Variants in CD8B2 observed in about 807,000 individuals in gnomAD.
The protein encoded by CD8B2 is T-cell surface glycoprotein CD8 beta-2 chain.
Under a neutral mutation model 23.7 loss-of-function variants are expected in CD8B2, and 11 were observed. The ratio of observed to expected loss-of-function variants is 0.46; its 90% CI spans 0.29 to 0.77. The LOEUF is 0.77. CD8B2 is among the 30% of genes least tolerant of loss of function. CD8B2 has a pLI of 0.09. For missense variants in CD8B2, 197 were observed against 270.5 expected, an observed-to-expected ratio of 0.73 and a Z score of 1.91; for synonymous variants, 90 against 109.3, an observed-to-expected ratio of 0.82 and a Z score of 1.10.
chr2:106,525,115 G>T (rs1347541706), intron 5 of CD8B2, among the ~76,000 whole-genome samples: 1 of 152,200 alleles, frequency 6.6e-6, no homozygotes. Context: ...AGGTCTGTTT[G>T]TTGTCTAATA....
Position 106,534,011 on chromosome 2 carries a change from G to A in CD8B2, c.621-9981G>A, listed in dbSNP as rs544565435. 1.9e-3 allele frequency among the ~76,000 whole-genome samples: 286 copies of A among 152,310 alleles called. 1 individual carries two copies. Among genetic ancestry groups the A allele is most frequent in the African/African-American group, 6.6e-3 (273 of 41,564 alleles). On this transcript the variant is annotated intron_variant, in intron 5 of 5. Coordinates refer to the CD8B2 transcript ENST00000416057. Reference sequence around the variant, plus strand: ...TACTATGTGGCAAGCCTCCTGCTGGGAGTCCTACATAAATTTTCACATGGA... The same window carrying A: ...TACTATGTGGCAAGCCTCCTGCTGGAAGTCCTACATAAATTTTCACATGGA...
At chr2:106,487,829 T>C (rs1484922948) in intron 1 of CD8B2, among the ~76,000 whole-genome samples, 1 of 151,980 alleles carries the variant, frequency 6.6e-6, no homozygotes, top group Non-Finnish European at 1.5e-5. Flanking sequence ...CAGGATGTGC[T>C]CGGAGGAAGG....
chr2:106,488,444 G>A (rs796148960), intron 1 of CD8B2, among the ~76,000 whole-genome samples: 43 of 152,052 alleles, frequency 2.8e-4, no homozygotes, highest in African/African-American at 9.2e-4. Context: ...AGTGGGTCCC[G>A]GGAAGAGCCG....
At chr2:106,530,331 G>A (rs1679974048) in intron 5 of CD8B2, among the ~76,000 whole-genome samples, 3 of 151,976 alleles carry the variant, frequency 2.0e-5, no homozygotes, top group Admixed American at 1.3e-4. Flanking sequence ...TGAGGAACAG[G>A]GAGGGAGGTT....
At chr2:106,513,157 A>T (rs1409922881), downstream of CD8B2, among the ~76,000 whole-genome samples, 1 of 148,768 alleles carries the variant, frequency 6.7e-6, no homozygotes, top group East Asian at 2.1e-4. Flanking sequence ...CAAGGCTGTG[A>T]GGACCACTCG....
intron 5 of CD8B2, among the ~76,000 whole-genome samples, chr2:106,528,421 T>C (rs764513173): frequency 1.3e-5 from 2 of 152,220 alleles, no homozygotes; most frequent in Non-Finnish European, 2.9e-5. Context: ...CTATATCTAC[T>C]TGGAGTTAAC....
rs373587533 is a variant in CD8B2, at chr2:106,527,706, C to T, written c.621-16286C>T. On this transcript the variant is annotated intron_variant, in intron 5 of 5. Coordinates refer to the CD8B2 transcript ENST00000416057. ...GGCTGAGGCAGAGAATTGCTTGAAC[C>T]AGGGAGGTGGAGGTTGCAGTGAGCC... Among the ~76,000 whole-genome samples the T allele has an allele frequency of 4.6e-5, 7 of 152,308 alleles. No homozygotes were observed. The East Asian group carries it at 1.4e-3, about 29-fold the overall frequency.
At chr2:106,541,393 C>T (rs1680171680) in intron 5 of CD8B2, among the ~76,000 whole-genome samples, 1 of 152,124 alleles carries the variant, frequency 6.6e-6, no homozygotes, top group African/African-American at 2.4e-5. Context: ...AACCAAGGGG[C>T]AGTTTTGCAC....
At chr2:106,526,994 T>C (rs1369393006) in intron 5 of CD8B2, among the ~76,000 whole-genome samples, 1 of 152,234 alleles carries the variant, frequency 6.6e-6, no homozygotes, top group Non-Finnish European at 1.5e-5. Flanking sequence ...ATTTGGATTA[T>C]GTCTACATTT....
In CD8B2 at chr2:106,488,209, C is replaced by T. The variant is rs539518013; in HGVS notation, c.43+740C>T. 7.9e-5 allele frequency among the ~76,000 whole-genome samples: 12 copies of T among 151,686 alleles called. No homozygotes were observed. In the South Asian group the frequency reaches 2.3e-3, roughly 29 times the overall value. On this transcript the variant is annotated intron_variant, in intron 1 of 5. Coordinates refer to ENST00000643224, the MANE Select transcript of CD8B2 (RefSeq NM_001349727.2). ...TTGCCAGGGGGTGACAAGGCCTGCC[C>T]GCCGGGGGTTCTGGCCCAGTGAGTG...
chr2:106,502,706 G>A (rs1378928583), intron 4 of CD8B2, 143 bp downstream of exon 4: 10 of 572,056 alleles, frequency 1.7e-5, no homozygotes, highest in South Asian at 4.8e-5. Context: ...TCCGGAGGTA[G>A]TTCTTGGCCT....
chr2:106,540,915 C>T (rs932287241), intron 5 of CD8B2, among the ~76,000 whole-genome samples: 1 of 152,172 alleles, frequency 6.6e-6, no homozygotes, highest in Non-Finnish European at 1.5e-5. Flanking sequence ...TGACAACTAG[C>T]GGGTGTCTTG....
At chr2:106,527,731 C>T (rs146494657) in intron 5 of CD8B2, among the ~76,000 whole-genome samples, 1,896 of 152,146 alleles carry the variant, frequency 0.012, 19 homozygotes, top group Non-Finnish European at 0.018. Context: ...TGCAGTGAGC[C>T]GATATTGCAG....
At chr2:106,492,801 CTT>C (rs1558874815) in intron 2 of CD8B2, among the ~76,000 whole-genome samples, 2 of 152,226 alleles carry the variant, frequency 1.3e-5, no homozygotes, top group African/African-American at 4.8e-5. Flanking sequence ...CCCGCCACCT[CTT>C]GCTAGCCTGG....
At chr2:106,491,693 A>G (rs1360879294) in intron 2 of CD8B2, among the ~76,000 whole-genome samples, 3 of 152,098 alleles carry the variant, frequency 2.0e-5, no homozygotes, top group African/African-American at 4.8e-5. Context: ...GATTACAGGC[A>G]TGAGCCACCA....
chr2:106,505,852 C>T (rs1253006442), intron 5 of CD8B2, among the ~76,000 whole-genome samples: 8 of 152,166 alleles, frequency 5.3e-5, no homozygotes, highest in Non-Finnish European at 8.8e-5. Flanking sequence ...CATTCAAGGC[C>T]GGGTGCGGTG....
At chr2:106,523,616 C>A (rs927718333) in intron 5 of CD8B2, among the ~76,000 whole-genome samples, 9 of 152,170 alleles carry the variant, frequency 5.9e-5, no homozygotes, top group African/African-American at 1.9e-4. Context: ...GTTGGTGTTA[C>A]AAGAACATCA....
At chr2:106,521,575 A>G (rs891056359) in intron 5 of CD8B2, 1 of 152,182 alleles carries the variant, frequency 6.6e-6, no homozygotes, top group African/African-American at 2.4e-5. Context: ...GATAAATCCC[A>G]CAAGAGAAGT....
intron 3 of CD8B2, among the ~76,000 whole-genome samples, chr2:106,500,050 T>C (rs1679374261): frequency 9.4e-6 from 1 of 106,686 alleles, no homozygotes; most frequent in African/African-American, 3.6e-5. Context: ...CTCCCTTCCC[T>C]CCTGTACCTC....
Sources: allele counts gnomAD v4.1 joint callset (sites outside exome capture counted in the v4.1 genomes callset), GRCh38; gene constraint gnomAD v4.1.1; transcripts MANE v1.5; gene names NCBI Gene and HGNC (gene_info 2026-07-23, HGNC 2026-07-21).